The following BPTF variants were observed in gnomAD, a reference collection of about 807,000 sequenced individuals.
The protein encoded by BPTF is nucleosome-remodeling factor subunit BPTF.
In BPTF, 18 loss-of-function variants were observed where a neutral mutation model predicts 292.5. The observed-to-expected ratio is 0.06, with a 90% CI of 0.04 to 0.09. The LOEUF is 0.09. Ranked by LOEUF, BPTF falls within the 10% of genes least tolerant of loss-of-function variation. The pLI, the probability that BPTF is intolerant of heterozygous loss-of-function variation, is 1.00. For missense variants in BPTF, 2,726 were observed against 3,498.7 expected (o/e 0.78, Z 5.57); for synonymous variants, 1,225 against 1,251.9 (o/e 0.98, Z 0.45).
At chr17:67,831,791 C>T (rs2056705641) in intron 1 of BPTF, among the ~76,000 whole-genome samples, 1 of 152,126 alleles carries the variant, frequency 6.6e-6, no homozygotes, top group South Asian at 2.1e-4. Flanking sequence ...GGAGATCTTC[C>T]CTGAGTCCTG....
At chr17:67,976,069 CT>C (rs1381225587) in intron 27 of BPTF, 111 bp downstream of exon 27, 115 of 686,400 alleles carry the variant, frequency 1.7e-4, no homozygotes, top group Admixed American at 4.4e-4. Flanking sequence ...CCTTAAATAT[CT>C]TTAAAAAAAA....
chr17:67,898,563 A>G (rs8070043), intron 7 of BPTF, among the ~76,000 whole-genome samples: 17,880 of 150,902 alleles, frequency 0.12, 3,498 homozygotes, highest in African/African-American at 0.41. Context: ...TCCCACCTTG[A>G]CCTCCCAAAG....
rs560591062 is a variant in BPTF at position 67,847,862 on chromosome 17, A to G, written c.614-6078A>G. Among the ~76,000 whole-genome samples the G allele has an allele frequency of 3.3e-5, 5 of 152,320 alleles. No homozygotes were observed. In the South Asian group the frequency reaches 8.3e-4, roughly 25 times the overall value. On this transcript the variant is annotated intron_variant, in intron 1 of 27. Transcript: ENST00000306378. ...CCACATGAAAAGGTGAATCCTTGTTACATTTGACAACTAAGTTTCATAATT... is the reference window on the plus strand; with the variant it reads ...CCACATGAAAAGGTGAATCCTTGTTGCATTTGACAACTAAGTTTCATAATT...
chr17:67,923,126 G>A, intron 14 of BPTF, 136 bp downstream of exon 14: 1 of 1,010,874 alleles, frequency 9.9e-7, no homozygotes, highest in Non-Finnish European at 1.4e-6. Flanking sequence ...CACAATCTTG[G>A]CTCACTGCAA....
Position 67,983,402 on chromosome 17 carries a change from T to C in BPTF, c.*1114T>C, listed in dbSNP as rs1450584737. On this transcript the variant is annotated 3_prime_UTR_variant, in exon 28 of 28. Transcript: ENST00000306378. ...TAATGCGACAAGATACACATTGCCT[T>C]CATCTGTACATTCTGTGATACCAGG... 1 of 152,654 alleles carries C rather than the reference T, an allele frequency of 6.6e-6. No homozygotes were observed. Among genetic ancestry groups the C allele is most frequent in the Non-Finnish European group, 1.5e-5 (1 of 68,044 alleles). 9.5% of individuals were successfully genotyped at this position (152,654 alleles called of 1,614,324 possible).
chr17:67,825,874 G>T lies in BPTF; in HGVS notation c.150G>T (p.Arg50Ser). 1 of 1,014,418 alleles carries T rather than the reference G, an allele frequency of 9.9e-7. No homozygotes were observed. The highest frequency in any genetic ancestry group is 1.2e-6 in the Non-Finnish European group (1 of 850,696). The allele number at this position is 1,014,418 out of a possible 1,614,324, so 62.8% of individuals were successfully genotyped here. A position where few individuals can be genotyped will look rare whatever the true frequency, so the allele number is the denominator to read the frequency against. Residue 50 changes from arginine to serine, a missense_variant, in exon 1 of 28, where the codon AGG (arginine) becomes AGT (serine). Arg to Ser is a moderately radical substitution (Grantham distance 110). Around this residue, in one of 22 missense-constraint regions of BPTF, gnomAD observed 103 missense variants for 72.1 expected, o/e 1.43. Coordinates refer to ENST00000306378, the MANE Select transcript of BPTF (RefSeq NM_182641.4). Reference protein sequence around the residue: ...RSRHRGSSRGRWAAAQAEVAP... With the variant: ...RSRHRGSSRGSWAAAQAEVAP... ...GGCACCGCGGCAGCAGCCGGGGCAG[G>T]TGGGCCGCCGCCCAGGCTGAGGTGG... is the stretch of plus-strand genomic sequence containing the variant.
intron 1 of BPTF, among the ~76,000 whole-genome samples, chr17:67,827,613 T>C (rs1299115287): frequency 6.6e-6 from 1 of 152,286 alleles, no homozygotes; most frequent in East Asian, 1.9e-4. Flanking sequence ...ACCTTTTTTT[T>C]CGTTGAAGTA....
chr17:67,893,348 G>A (rs1391716215), intron 5 of BPTF, 22 bp from the exon 6 acceptor site: 1 of 1,419,824 alleles, frequency 7.0e-7, no homozygotes, highest in Admixed American at 1.7e-5. Flanking sequence ...AAATAATGCA[G>A]TCTTTTTATT....
chr17:67,933,874 C>T (rs1479561167), intron 18 of BPTF, among the ~76,000 whole-genome samples: 1 of 151,858 alleles, frequency 6.6e-6, no homozygotes, highest in Non-Finnish European at 1.5e-5. Context: ...GCCTGGCCAA[C>T]ATGGTGAAAC....
At chr17:67,955,812 C>T (rs1369529115) in intron 23 of BPTF, 2 of 151,588 alleles carry the variant, frequency 1.3e-5, no homozygotes, top group Non-Finnish European at 1.5e-5. Flanking sequence ...GAGACTCCAT[C>T]TCGAAACAAA....
intron 27 of BPTF, among the ~76,000 whole-genome samples, chr17:67,981,115 C>T (rs60456082): frequency 0.02 from 2,994 of 152,146 alleles, 100 homozygotes; most frequent in African/African-American, 0.068. Context: ...GCTGTGATTG[C>T]GCCACTGCAC....
chr17:67,913,592 C>G (rs1159054059), intron 11 of BPTF, among the ~76,000 whole-genome samples: 1 of 152,054 alleles, frequency 6.6e-6, no homozygotes, highest in Non-Finnish European at 1.5e-5. Flanking sequence ...CATAAACACG[C>G]CTGTAAATTT....
At chr17:67,867,079 C>T (rs535590946) in intron 3 of BPTF, among the ~76,000 whole-genome samples, 2 of 152,192 alleles carry the variant, frequency 1.3e-5, no homozygotes, top group South Asian at 2.1e-4. Context: ...CCTGGTGGAC[C>T]GAAACATTGT....
chr17:67,834,839 A>G (rs1234949786), intron 1 of BPTF, among the ~76,000 whole-genome samples: 1 of 152,166 alleles, frequency 6.6e-6, no homozygotes, highest in Non-Finnish European at 1.5e-5. Context: ...TGATGAGTCA[A>G]AGAAAGCCTG....
chr17:67,864,947 G>A (rs1381639500), intron 2 of BPTF, among the ~76,000 whole-genome samples: 1 of 152,134 alleles, frequency 6.6e-6, no homozygotes, highest in East Asian at 1.9e-4. Context: ...TGAGACGACA[G>A]GCGCCTGCCA....
At chr17:67,881,893 G>A (rs1441385981) in intron 4 of BPTF, among the ~76,000 whole-genome samples, 2 of 130,186 alleles carry the variant, frequency 1.5e-5, no homozygotes, top group Non-Finnish European at 3.1e-5. Context: ...TTGAGACAGG[G>A]TCTTGCTCTG....
intron 27 of BPTF, chr17:67,977,690 A>C (rs1185879907): frequency 3.0e-4 from 45 of 150,656 alleles, no homozygotes; most frequent in Non-Finnish European, 1.5e-5. Context: ...AAAAATACAA[A>C]AAAATTAGCT....
At chr17:67,976,714 A>C (rs80224301) in intron 27 of BPTF, among the ~76,000 whole-genome samples, 1 of 116,588 alleles carries the variant, frequency 8.6e-6, no homozygotes, top group African/African-American at 3.6e-5. Context: ...AAAAAAAAAA[A>C]ATAAGAATAA....
At chr17:67,870,718 C>CTGA (rs1216779704) in intron 3 of BPTF, among the ~76,000 whole-genome samples, 1 of 143,936 alleles carries the variant, frequency 6.9e-6, no homozygotes, top group Non-Finnish European at 1.6e-5. Context: ...TGTAGCCTGT[C>CTGA]TGATGACTTT....
Sources: gnomAD v4.1 joint callset for allele counts (sites outside exome capture counted in the v4.1 genomes callset) on GRCh38, gnomAD v4.1.1 for gene constraint, gnomAD v4.1.1 regional missense constraint, MANE v1.5 for transcripts, NCBI Gene and HGNC (gene_info 2026-07-23, HGNC 2026-07-21) for gene names.